GHR: variants seen among roughly 807,000 people sequenced by gnomAD.
GHR encodes the protein GH receptor.
A neutral mutation model predicts 67.1 loss-of-function variants in GHR; 35 were observed. That is an observed-to-expected ratio of 0.52 (90% CI 0.40 to 0.69). The LOEUF (loss-of-function observed/expected upper bound fraction) is 0.69, where lower values mean the gene tolerates loss of function less well. Among genes scored for constraint, GHR ranks in the 30% least tolerant of loss-of-function variants. The pLI is 0.00. For synonymous variants in GHR, 272 were observed against 269.1 expected (o/e 1.01, Z -0.10); for missense variants, 792 against 764.6 (o/e 1.04, Z -0.42).
Position 42,669,696 on chromosome 5 carries a change from C to T in GHR, c.137-19194C>T, listed in dbSNP as rs149613683. 4.1e-3 allele frequency among the ~76,000 whole-genome samples: 622 copies of T among 152,270 alleles called. 5 individuals are homozygous for T. Among genetic ancestry groups the T allele is most frequent in the African/African-American group, 0.013 (559 of 41,552 alleles). On this transcript the variant is annotated intron_variant, in intron 3 of 9. Transcript: ENST00000230882. ...ACCATCAAATGCTACCCATTAAAAT[C>T]ACTGGGGAACTTTTAAAAATTAAAT... is the stretch of plus-strand genomic sequence containing the variant.
intron 1 of GHR, among the ~76,000 whole-genome samples, chr5:42,452,698 C>T (rs1288960549): frequency 6.6e-6 from 1 of 152,104 alleles, no homozygotes; most frequent in Non-Finnish European, 1.5e-5. Flanking sequence ...AAACTTTCCA[C>T]TGAATTTTAT....
chr5:42,564,060 G>A (rs1323105571), intron 1 of GHR, among the ~76,000 whole-genome samples: 3 of 151,842 alleles, frequency 2.0e-5, no homozygotes, highest in Non-Finnish European at 4.4e-5. Flanking sequence ...AAACATGAAT[G>A]TTGTAAAAAC....
intron 2 of GHR, among the ~76,000 whole-genome samples, chr5:42,575,849 C>A (rs990094511): frequency 1.3e-5 from 2 of 151,330 alleles, no homozygotes; most frequent in Non-Finnish European, 2.9e-5. Context: ...GCCTGGCCAA[C>A]ATGGTGAAAC....
chr5:42,466,915 C>A, intron 1 of GHR: 1 of 1,514,554 alleles, frequency 6.6e-7, no homozygotes, highest in South Asian at 1.3e-5. Context: ...TCTGTGGTGT[C>A]GCATGAGGTG....
chr5:42,656,467 T>C (rs1432225279), intron 3 of GHR, among the ~76,000 whole-genome samples: 2 of 152,166 alleles, frequency 1.3e-5, no homozygotes, highest in Non-Finnish European at 2.9e-5. Context: ...CTGTGAATCC[T>C]GATGTCGTAT....
intron 3 of GHR, among the ~76,000 whole-genome samples, chr5:42,678,349 T>C (rs1195480702): frequency 6.6e-6 from 1 of 152,300 alleles, no homozygotes; most frequent in Admixed American, 6.5e-5. Context: ...TTCCCAGAAA[T>C]GAATTATGTG....
intron 3 of GHR, among the ~76,000 whole-genome samples, chr5:42,636,506 G>T (rs76435264): frequency 6.6e-6 from 1 of 152,074 alleles, no homozygotes; most frequent in East Asian, 1.9e-4. Context: ...CCACTGATTT[G>T]CTGCTTAATT....
chr5:42,454,824 C>A (rs555330171), intron 1 of GHR, among the ~76,000 whole-genome samples: 12 of 152,260 alleles, frequency 7.9e-5, no homozygotes, highest in African/African-American at 2.4e-4. Flanking sequence ...AGGCCACACC[C>A]CTCCCTGTCT....
chr5:42,663,080 T>G (rs937153058), intron 3 of GHR, among the ~76,000 whole-genome samples: 13 of 152,106 alleles, frequency 8.5e-5, no homozygotes, highest in Non-Finnish European at 1.5e-4. Flanking sequence ...AATAACAGGC[T>G]CTGAAATTGT....
chr5:42,713,132 A>G (rs933784935), intron 7 of GHR, among the ~76,000 whole-genome samples: 3 of 152,156 alleles, frequency 2.0e-5, no homozygotes, highest in Non-Finnish European at 2.9e-5. Context: ...CTGGACACAT[A>G]GTATGCTTAA....
rs770460068 is a variant in GHR, at chr5:42,718,455, A to C, written c.948A>C (p.Glu316Asp). The part of the protein sequence containing the change: ...IKGIDPDLLK[E>D]GKLEEVNTIL... ...TTCATTTTCTTTCTATTTTCTAGGA[A>C]GGAAAATTAGAGGAGGTGAACACAA... Residue 316 changes from glutamate (E) to aspartate (D), a missense_variant and splice_region_variant, in exon 10 of 10, where the codon GAA (glutamate) becomes GAC (aspartate). By Grantham distance (45) the Glu-to-Asp change is conservative. Transcript: ENST00000230882. The C allele has an allele frequency of 6.2e-7, 1 of 1,603,790 alleles. No homozygotes were observed. The highest frequency in any genetic ancestry group is 8.5e-7 in the Non-Finnish European group (1 of 1,171,038).
intron 1 of GHR, among the ~76,000 whole-genome samples, chr5:42,554,045 T>A (rs1351655415): frequency 6.6e-6 from 1 of 152,188 alleles, no homozygotes; most frequent in East Asian, 1.9e-4. Context: ...AAAAGTTATA[T>A]AGCACATTTG....
intron 3 of GHR, among the ~76,000 whole-genome samples, chr5:42,649,361 T>A (rs1410283374): frequency 6.6e-6 from 1 of 152,090 alleles, no homozygotes; most frequent in Non-Finnish European, 1.5e-5. Context: ...TTTAAAGAGG[T>A]TCTAATTAGG....
intron 2 of GHR, among the ~76,000 whole-genome samples, chr5:42,591,379 T>C (rs911559802): frequency 6.6e-6 from 1 of 152,234 alleles, no homozygotes; most frequent in Admixed American, 6.5e-5. Context: ...TCTGATTTTC[T>C]CTTTCAGAAC....
intron 2 of GHR, among the ~76,000 whole-genome samples, chr5:42,578,749 T>C (rs1403249286): frequency 3.3e-5 from 5 of 152,196 alleles, no homozygotes; most frequent in Admixed American, 1.3e-4. Context: ...GGGACACTAC[T>C]GAAGTGGTAT....
intron 3 of GHR, among the ~76,000 whole-genome samples, chr5:42,673,442 A>G (rs1264556150): frequency 2.6e-5 from 4 of 152,190 alleles, no homozygotes; most frequent in African/African-American, 9.7e-5. Context: ...TTTCTTTTGG[A>G]TATTGTTCTA....
At chr5:42,502,718 T>C (rs1022500458) in intron 1 of GHR, among the ~76,000 whole-genome samples, 3 of 151,436 alleles carry the variant, frequency 2.0e-5, no homozygotes, top group Non-Finnish European at 4.4e-5. Context: ...TCCAAATTTC[T>C]TTTACTAATT....
At chr5:42,474,329 G>GAAAGAAAGAAAGAAAGAAAGAAAAGAAAT (rs1252314518) in intron 1 of GHR, among the ~76,000 whole-genome samples, 25 of 146,416 alleles carry the variant, frequency 1.7e-4, no homozygotes, top group African/African-American at 6.4e-4. Flanking sequence ...AAGAAAGAAA[G>GAAAGAAAGAAAGAAAGAAAGAAAAGAAAT]AAAGAAAGAA....
At chr5:42,429,011 A>G (rs1199323400) in intron 1 of GHR, among the ~76,000 whole-genome samples, 1 of 152,162 alleles carries the variant, frequency 6.6e-6, no homozygotes, top group Non-Finnish European at 1.5e-5. Flanking sequence ...ATTTTTGGGT[A>G]TCTTTACAGC....
Sources: allele counts gnomAD v4.1 joint callset (sites outside exome capture counted in the v4.1 genomes callset), GRCh38; gene constraint gnomAD v4.1.1; transcripts MANE v1.5; gene names NCBI Gene and HGNC (gene_info 2026-07-23, HGNC 2026-07-21).